The following PRAMEF12 variants were observed in gnomAD, a reference collection of about 807,000 sequenced individuals.
PRAMEF12 encodes the protein PRAME family member 12.
PRAMEF12 carries 24 observed loss-of-function variants against 24.6 expected under a neutral mutation model. The ratio of observed to expected loss-of-function variants is 0.98; its 90% CI spans 0.71 to 1.37. The LOEUF (loss-of-function observed/expected upper bound fraction) is 1.37, where lower values mean the gene tolerates loss of function less well. Among genes scored for constraint, PRAMEF12 ranks in the 40% most tolerant of loss-of-function variants. The pLI is 0.00. For synonymous variants in PRAMEF12, 286 were observed against 242.6 expected (o/e 1.18, Z -1.66); for missense variants, 646 against 580.3 (o/e 1.11, Z -1.16).
In PRAMEF12 at chr1:12,774,052, A is replaced by G. The variant is rs1301896633; in HGVS notation, c.-816A>G. Among the ~76,000 whole-genome samples the G allele has an allele frequency of 2.6e-5, 4 of 152,156 alleles. No individual in the cohort carries two copies. In the East Asian group the frequency reaches 7.7e-4, roughly 29 times the overall value. ...TATTGAAGCAGTTTTTTTTTTAACAAGAGATATTAAAAAGTTACAACTGGT... is the reference window on the plus strand; with the variant it reads ...TATTGAAGCAGTTTTTTTTTTAACAGGAGATATTAAAAAGTTACAACTGGT... On this transcript the variant is annotated 5_prime_UTR_variant, in exon 1 of 3. Coordinates refer to ENST00000357726, the MANE Select transcript of PRAMEF12 (RefSeq NM_001080830.5).
intron 2 of PRAMEF12, among the ~76,000 whole-genome samples, 186 bp downstream of exon 2, chr1:12,776,304 T>A (rs568358874): frequency 3.9e-5 from 6 of 152,186 alleles, no homozygotes; most frequent in Non-Finnish European, 7.4e-5. Flanking sequence ...TCCATCCCAA[T>A]AAGCCAGCGG....
chr1:12,776,181 C>G, intron 2 of PRAMEF12, 63 bp downstream of exon 2: 2 of 1,513,100 alleles, frequency 1.3e-6, no homozygotes, highest in Non-Finnish European at 1.8e-6. Context: ...TTACTGTAAA[C>G]ACCAGGGGGT....
Position 12,777,696 on chromosome 1 carries a change from C to A in PRAMEF12, c.*97C>A. 7.1e-7 allele frequency: 1 copy of A among 1,413,216 alleles called. No individual in the cohort carries two copies. The highest frequency in any genetic ancestry group is 9.7e-7 in the Non-Finnish European group (1 of 1,034,094). The allele number at this position is 1,413,216 out of a possible 1,614,324, so 87.5% of individuals were successfully genotyped here. On this transcript the variant is annotated 3_prime_UTR_variant, in exon 3 of 3. Coordinates refer to ENST00000357726, the MANE Select transcript of PRAMEF12 (RefSeq NM_001080830.5). ...GTTTCATATGCCTGCTCAATGTGAA[C>A]CGGAAAGGAAAGGGGATGCAGGAAG...
Position 12,775,501 on chromosome 1 carries a change from A to G in PRAMEF12, c.288-42A>G, listed in dbSNP as rs1639035096. The G allele has an allele frequency of 2.6e-6, 4 of 1,547,920 alleles. No individual in the cohort carries two copies. In the South Asian group the frequency reaches 4.8e-5, roughly 19 times the overall value. ...GTCCGGGATGTGGATAAAAGCTCAA[A>G]TCCTTCCTAAATTTGGAGCCTCTCT... is the stretch of plus-strand genomic sequence containing the variant. On this transcript the variant is annotated intron_variant, in intron 1 of 2. Transcript: ENST00000357726.
intron 2 of PRAMEF12, among the ~76,000 whole-genome samples, 156 bp from the exon 3 acceptor site, chr1:12,776,855 T>C (rs1030142203): frequency 1.3e-5 from 2 of 152,160 alleles, no homozygotes; most frequent in Admixed American, 6.5e-5. Context: ...TGAGCCTCGA[T>C]TGGGTCTGCC....
At position 12,775,736 on chromosome 1, in the gene PRAMEF12, T is replaced by C. The variant is rs772602127; in HGVS notation, c.481T>C (p.Cys161Arg). The C allele has an allele frequency of 3.7e-6, 6 of 1,613,730 alleles. No individual in the cohort carries two copies. The highest frequency in any genetic ancestry group is 5.1e-6 in the Non-Finnish European group (6 of 1,179,982). The stretch of plus-strand genomic sequence containing the variant: ...CTTCAAGAATGGGACGCTGGATGAA[T>C]GCCTCACCCACTTCTTAGAGTGGGG... The part of the protein sequence containing the change: ...LCFKNGTLDE[C>R]LTHFLEWGKQ... The change falls in exon 2 of 3, where the codon TGC becomes CGC. Residue 161 changes from cysteine (C) to arginine (R), a missense_variant. Coordinates refer to ENST00000357726, the MANE Select transcript of PRAMEF12 (RefSeq NM_001080830.5).
rs747248873 is a variant in PRAMEF12 at position 12,776,082 on chromosome 1, T to C, written c.827T>C (p.Val276Ala). The C allele has an allele frequency of 1.6e-5, 26 of 1,614,036 alleles. No individual in the cohort carries two copies. The highest frequency in any genetic ancestry group is 1.6e-4 in the Middle Eastern group (1 of 6,084). The change falls in exon 2 of 3, where the codon GTC (valine) becomes GCC (alanine). Residue 276 changes from valine to alanine, a missense_variant. Val to Ala is a moderately conservative substitution (Grantham distance 64). Coordinates refer to ENST00000357726, the MANE Select transcript of PRAMEF12 (RefSeq NM_001080830.5). ...DYFQKLYMHS[V>A]SFLEGHLDQL... ...TTCCAGAAGCTTTACATGCACTCTG[T>C]CTCTTTCCTCGAAGGCCACCTGGAC...
At chr1:12,776,943 A>AAAGTGTCATCTCTC in intron 2 of PRAMEF12, 68 bp from the exon 3 acceptor site, 1 of 1,491,366 alleles carries the variant, frequency 6.7e-7, no homozygotes, top group Non-Finnish European at 9.1e-7. Flanking sequence ...TGGGTTGTGA[A>AAAGTGTCATCTCTC]AAGTGTCATC....
Position 12,777,456 on chromosome 1 carries a change from A to T in PRAMEF12, c.1309A>T (p.Met437Leu), listed in dbSNP as rs764808715. 4.3e-6 allele frequency: 7 copies of T among 1,614,098 alleles called. No homozygotes were observed. In the Admixed American group the frequency reaches 8.3e-5, roughly 19 times the overall value. The change falls in exon 3 of 3, where the codon ATG (methionine) becomes TTG (leucine). Residue 437 changes from methionine to leucine, a missense_variant. By Grantham distance (15) the Met-to-Leu change is conservative (BLOSUM62 2). Transcript: ENST00000357726. ...ATTTTCTCAACTTGGGGCTGAGCTG[A>T]TGAAGACACTGAGGGACTTAAGGCA... is the stretch of plus-strand genomic sequence containing the variant. ...GRFSQLGAEL[M>L]KTLRDLRQPK...
Position 12,775,724 on chromosome 1 carries a change from A to G in PRAMEF12, c.469A>G (p.Thr157Ala). The change falls in exon 2 of 3, where the codon ACG becomes GCG. Residue 157 changes from threonine to alanine, a missense_variant. Transcript: ENST00000357726. ...CCTAGACCTTTGCTTCAAGAATGGGACGCTGGATGAATGCCTCACCCACTT... is the reference window on the plus strand; with the variant it reads ...CCTAGACCTTTGCTTCAAGAATGGGGCGCTGGATGAATGCCTCACCCACTT... The part of the protein sequence containing the change: ...VILDLCFKNG[T>A]LDECLTHFLE... 6.2e-7 allele frequency: 1 copy of G among 1,613,764 alleles called. No individual in the cohort carries two copies. The highest frequency in any genetic ancestry group is 1.7e-5 in the Admixed American group (1 of 59,986).
rs1639035631 is a variant in PRAMEF12 at position 12,775,546 on chromosome 1, G to A, written c.291G>A (p.Arg97=). The change falls in exon 2 of 3, where the codon CGG becomes CGA. Residue 97 remains arginine, a synonymous_variant. Coordinates refer to ENST00000357726, the MANE Select transcript of PRAMEF12 (RefSeq NM_001080830.5). ...ALLAQKVRPR[R]WKLQVLDLRN... Reference sequence around the variant, plus strand: ...CTCTCTTCTCTTTTACCCACAGGCGGTGGAAACTTCAAGTGTTGGACTTGC... The same window carrying A: ...CTCTCTTCTCTTTTACCCACAGGCGATGGAAACTTCAAGTGTTGGACTTGC... The A allele has an allele frequency of 5.6e-6, 9 of 1,606,838 alleles. No homozygotes were observed. Among genetic ancestry groups the A allele is most frequent in the South Asian group, 3.3e-5 (3 of 90,584 alleles).
intron 2 of PRAMEF12, among the ~76,000 whole-genome samples, chr1:12,776,338 G>A (rs1639051709): frequency 6.6e-6 from 1 of 152,138 alleles, no homozygotes; most frequent in South Asian, 2.1e-4. Flanking sequence ...AGATGCTATA[G>A]AGAGGCTGCC....
rs375144594 is a variant in PRAMEF12, at chr1:12,775,954, C to T, written c.699C>T (p.Arg233=). Residue 233 remains arginine, a synonymous_variant, in exon 2 of 3, where the codon CGC becomes CGT. Transcript: ENST00000357726. ...ACCTGGGCCAGATGAGGAATCTCCG[C>T]AAACTTGTTCTCTTCAACATCCATG... ...APYLGQMRNL[R]KLVLFNIHVS... The T allele has an allele frequency of 3.3e-5, 53 of 1,614,026 alleles. No homozygotes were observed. The highest frequency in any genetic ancestry group is 1.5e-4 in the African/African-American group (11 of 74,896).
Position 12,775,900 on chromosome 1 carries a change from G to A in PRAMEF12, c.645G>A (p.Glu215=), listed in dbSNP as rs1639044181. The A allele has an allele frequency of 2.5e-6, 4 of 1,614,116 alleles. No individual in the cohort carries two copies. The East Asian group carries it at 6.7e-5, about 27-fold the overall frequency. The part of the protein sequence containing the change: ...IQEVEVCCPW[E]LSILIRFAPY... ...AGGTGGAAGTGTGCTGCCCGTGGGA[G>A]CTGTCCATTCTTATAAGGTTCGCCC... The change falls in exon 2 of 3, where the codon GAG becomes GAA. Residue 215 remains glutamate (E), a synonymous_variant. Transcript: ENST00000357726.
At chr1:12,776,955 C>T (rs1250006362) in intron 2 of PRAMEF12, 56 bp from the exon 3 acceptor site, 3 of 1,531,628 alleles carry the variant, frequency 2.0e-6, no homozygotes, top group Non-Finnish European at 2.7e-6. Context: ...AGTGTCATCT[C>T]TCACCTTGAG....
chr1:12,777,333 C>A lies in PRAMEF12; in HGVS notation c.1186C>A (p.Leu396Met). ...CATCTCCATGGCCGCCCTGGAGAACCTGCTGCGCCACACCGTCGGGCTGAG... is the reference window on the plus strand; with the variant it reads ...CATCTCCATGGCCGCCCTGGAGAACATGCTGCGCCACACCGTCGGGCTGAG... ...NLISMAALEN[L>M]LRHTVGLSKL... is the part of the protein sequence containing the mutation. Residue 396 changes from leucine to methionine, a missense_variant, in exon 3 of 3, where the codon CTG becomes ATG. Leu to Met is a conservative substitution (Grantham distance 15). Transcript: ENST00000357726. 1 of 1,613,344 alleles carries A rather than the reference C, an allele frequency of 6.2e-7. No individual in the cohort carries two copies. The highest frequency in any genetic ancestry group is 8.5e-7 in the Non-Finnish European group (1 of 1,179,874).
chr1:12,775,978 T>C lies in PRAMEF12; in HGVS notation c.723T>C (p.His241=). 6.2e-7 allele frequency: 1 copy of C among 1,614,156 alleles called. No individual in the cohort carries two copies. Among genetic ancestry groups the C allele is most frequent in the Non-Finnish European group, 8.5e-7 (1 of 1,180,038 alleles). ...GCAAACTTGTTCTCTTCAACATCCA[T>C]GTCTCTGCCTGCATTCCCCTAGACA... ...NLRKLVLFNI[H]VSACIPLDRK... is the part of the protein sequence containing the mutation. Residue 241 remains histidine (H), a synonymous_variant, in exon 2 of 3, where the codon CAT becomes CAC. Transcript: ENST00000357726.
In PRAMEF12 at chr1:12,773,748, G is replaced by T. The variant is rs1165300583; in HGVS notation, c.-1120G>T. 1.3e-5 allele frequency among the ~76,000 whole-genome samples: 2 copies of T among 152,282 alleles called. No homozygotes were observed. Among genetic ancestry groups the T allele is most frequent in the East Asian group, 1.9e-4 (1 of 5,180 alleles). On this transcript the variant is annotated 5_prime_UTR_variant, in exon 1 of 3. Transcript: ENST00000357726. ...AGGTGCACAGGAGAGAATCCAAGGC[G>T]CTGACACCTGGAGCTACTGCTCGGT...
At position 12,777,524 on chromosome 1, in the gene PRAMEF12, T is replaced by G. The variant is rs1212151875; in HGVS notation, c.1377T>G (p.Cys459Trp). The G allele has an allele frequency of 6.2e-7, 1 of 1,614,154 alleles. No homozygotes were observed. The highest frequency in any genetic ancestry group is 1.7e-5 in the Admixed American group (1 of 60,008). Reference protein sequence around the residue: ...IVFSTVPCPRCGIRASYDLEP... With the variant: ...IVFSTVPCPRWGIRASYDLEP... ...TCAGCACTGTCCCCTGCCCTCGCTG[T>G]GGCATCAGGGCCTCCTATGACCTGG... is the stretch of plus-strand genomic sequence containing the variant. The change falls in exon 3 of 3, where the codon TGT (cysteine) becomes TGG (tryptophan). Residue 459 changes from cysteine (C) to tryptophan (W), a missense_variant. Coordinates refer to ENST00000357726, the MANE Select transcript of PRAMEF12 (RefSeq NM_001080830.5).
Sources: gnomAD v4.1 joint callset for allele counts (sites outside exome capture counted in the v4.1 genomes callset) on GRCh38, gnomAD v4.1.1 for gene constraint, MANE v1.5 for transcripts, NCBI Gene and HGNC (gene_info 2026-07-23, HGNC 2026-07-21) for gene names.